The following USP33 variants were observed in gnomAD, a reference collection of about 807,000 sequenced individuals.
USP33 encodes ubiquitin carboxyl-terminal hydrolase 33.
USP33 carries 46 observed loss-of-function variants against 124.2 expected under a neutral mutation model. The ratio of observed to expected loss-of-function variants is 0.37; its 90% CI spans 0.29 to 0.47. The LOEUF is 0.47. USP33 is among the 20% of genes least tolerant of loss of function. USP33 has a pLI of 0.99. For missense variants in USP33, 851 were observed against 1,070.6 expected, an observed-to-expected ratio of 0.79 and a Z score of 2.86; for synonymous variants, 350 against 352.3, an observed-to-expected ratio of 0.99 and a Z score of 0.07.
At chr1:77,733,805 G>T (rs80314587) in intron 7 of USP33, among the ~76,000 whole-genome samples, 2 of 152,048 alleles carry the variant, frequency 1.3e-5, no homozygotes. Flanking sequence ...GTAGACATAC[G>T]TTCAATCTCC....
intron 1 of USP33, among the ~76,000 whole-genome samples, chr1:77,743,091 C>T (rs552783561): frequency 1.4e-4 from 21 of 151,992 alleles, no homozygotes; most frequent in South Asian, 6.2e-4. Flanking sequence ...TACAGGCATG[C>T]GCCACCACAC....
At chr1:77,756,205 G>A (rs531437167) in intron 1 of USP33, among the ~76,000 whole-genome samples, 3 of 152,170 alleles carry the variant, frequency 2.0e-5, no homozygotes, top group African/African-American at 7.2e-5. Flanking sequence ...AGCCTCCCAA[G>A]TGACTGAGAC....
At chr1:77,713,420 C>CA in intron 19 of USP33, 139 bp from the exon 20 acceptor site, 1 of 707,406 alleles carries the variant, frequency 1.4e-6, no homozygotes. Context: ...CTTGTTCTGT[C>CA]ACCCAGTCCA....
rs1481223789 is a variant in USP33, at chr1:77,697,917, T to C, written c.2524A>G (p.Ile842Val). 1.9e-6 allele frequency: 3 copies of C among 1,609,198 alleles called. No homozygotes were observed. Among genetic ancestry groups the C allele is most frequent in the South Asian group, 1.1e-5 (1 of 89,398 alleles). Residue 842 changes from isoleucine (I) to valine (V), a missense_variant, in exon 23 of 24, where the codon ATT becomes GTT. By Grantham distance (29) the Ile-to-Val change is conservative. This residue lies in a region of USP33 where 142 missense variants were observed against 141.8 expected (regional missense o/e 1.00). Transcript: ENST00000370794. ...KGKDGDPPGP[I>V]DNTKIAVTKC... ...GTGACTGCAATCTTAGTATTGTCAA[T>C]AGGACCTGGAGGATCTAAAGGAAAA...
At chr1:77,701,519 A>G in intron 21 of USP33, 48 bp from the exon 22 acceptor site, 1 of 1,444,472 alleles carries the variant, frequency 6.9e-7, no homozygotes, top group South Asian at 1.2e-5. Flanking sequence ...AACTTGCTTT[A>G]TGGCAAAACA....
intron 4 of USP33, among the ~76,000 whole-genome samples, chr1:77,739,950 T>C (rs1340430109): frequency 6.6e-6 from 1 of 152,190 alleles, no homozygotes. Context: ...GCAAATACCA[T>C]CTTAGATGCA....
chr1:77,722,094 T>C lies in USP33; in HGVS notation c.1492A>G (p.Lys498Glu). The C allele has an allele frequency of 6.2e-7, 1 of 1,614,138 alleles. No individual in the cohort carries two copies. Among genetic ancestry groups the C allele is most frequent in the South Asian group, 1.1e-5 (1 of 91,084 alleles). Residue 498 changes from lysine to glutamate, a missense_variant, in exon 13 of 24, where the codon AAA (lysine) becomes GAA (glutamate). Lys to Glu is a moderately conservative substitution (Grantham distance 56). This residue lies in a region of USP33 where 281 missense variants were observed against 425.0 expected (regional missense o/e 0.66). Coordinates refer to ENST00000370794, the MANE Select transcript of USP33 (RefSeq NM_201624.3). ...TATGCTTCGCCACATGATCCTGCTT[T>C]GACTATAGAAGTTGGATGACTTGAT... ...HSSSHPTSIV[K>E]AGSCGEAYAP...
intron 22 of USP33, among the ~76,000 whole-genome samples, chr1:77,700,591 G>A (rs1333453749): frequency 6.6e-6 from 1 of 152,002 alleles, no homozygotes; most frequent in Non-Finnish European, 1.5e-5. Flanking sequence ...CTGGGCAACA[G>A]GGTTAAGACC....
At chr1:77,709,748 T>C (rs1404475989) in intron 21 of USP33, among the ~76,000 whole-genome samples, 2 of 151,612 alleles carry the variant, frequency 1.3e-5, no homozygotes, top group African/African-American at 4.8e-5. Flanking sequence ...TATATAGATA[T>C]AGATATCTAT....
chr1:77,720,265 T>G (rs1214072772), intron 15 of USP33: 1 of 967,924 alleles, frequency 1.0e-6, no homozygotes, highest in African/African-American at 1.8e-5. Context: ...AATATACATT[T>G]GACAGATCTC....
In USP33 at chr1:77,718,654, A is replaced by C. The variant is rs778217780; in HGVS notation, c.1692-13T>G. On this transcript the variant is annotated splice_polypyrimidine_tract_variant and intron_variant, in intron 15 of 23. Transcript: ENST00000370794. ...TCCATTTCTCAACCTAAGGGGAGAA[A>C]AGAGAAAATCAATTAGTCTACAAAA... 6.3e-7 allele frequency: 1 copy of C among 1,594,990 alleles called. No individual in the cohort carries two copies. Among genetic ancestry groups the C allele is most frequent in the Non-Finnish European group, 8.5e-7 (1 of 1,169,664 alleles).
At chr1:77,705,667 TA>T (rs113310451) in intron 21 of USP33, among the ~76,000 whole-genome samples, 5,096 of 142,870 alleles carry the variant, frequency 0.036, 79 homozygotes, top group Middle Eastern at 0.085. Context: ...AGATTTGCTT[TA>T]AAAAAAAAAA....
intron 21 of USP33, among the ~76,000 whole-genome samples, chr1:77,703,180 T>C (rs1674238567): frequency 6.6e-6 from 1 of 152,218 alleles, no homozygotes; most frequent in Admixed American, 6.5e-5. Context: ...CACTTTGTTA[T>C]TGCCAGAACC....
intron 12 of USP33, chr1:77,722,452 C>T (rs1000385685): frequency 4.8e-5 from 14 of 292,724 alleles, no homozygotes; most frequent in Middle Eastern, 2.2e-3. Context: ...ATCCCCATTA[C>T]AATCACAGAC....
At position 77,730,618 on chromosome 1, in the gene USP33, C is replaced by T. The variant is rs772743892; in HGVS notation, c.638G>A (p.Arg213Lys). 4.5e-6 allele frequency: 7 copies of T among 1,542,110 alleles called. No homozygotes were observed. The highest frequency in any genetic ancestry group is 1.9e-5 in the Admixed American group (1 of 51,848). The stretch of plus-strand genomic sequence containing the variant: ...AAGAAGAGTATATTAAGTTACATAC[C>T]TGCTTTTATGCCACAGCTCTGTCAT... ...KLMTELWHKS[R>K]PGSVVPTTLF... Residue 213 changes from arginine to lysine, a missense_variant and splice_region_variant, in exon 8 of 24, where the codon AGG (arginine) becomes AAG (lysine). By Grantham distance (26) the Arg-to-Lys change is conservative. Transcript: ENST00000370794.
chr1:77,730,035 A>C, intron 8 of USP33, 97 bp from the exon 9 acceptor site: 1 of 1,162,446 alleles, frequency 8.6e-7, no homozygotes, highest in South Asian at 1.5e-5. Flanking sequence ...AATAAATTGA[A>C]AAGTATGTTT....
intron 21 of USP33, among the ~76,000 whole-genome samples, chr1:77,710,671 A>G (rs1282155000): frequency 6.6e-6 from 1 of 152,230 alleles, no homozygotes; most frequent in Non-Finnish European, 1.5e-5. Flanking sequence ...ACACATGTGC[A>G]GGAAATGAAT....
At position 77,736,051 on chromosome 1, in the gene USP33, T is replaced by C. The variant is rs1177774572; in HGVS notation, c.454+5A>G. 1 of 1,599,912 alleles carries C rather than the reference T, an allele frequency of 6.3e-7. No individual in the cohort carries two copies. The highest frequency in any genetic ancestry group is 8.5e-7 in the Non-Finnish European group (1 of 1,170,178). ...ACAAAGAAGCGTTACACAGGATTAA[T>C]TTACCTCTGGCCCTAAGTTCATCTT... On this transcript the variant is annotated splice_donor_5th_base_variant and intron_variant, in intron 6 of 23. Transcript: ENST00000370794.
rs559321747 is a variant in USP33, at chr1:77,725,857, A to G, written c.1136-95T>C. ...GGTTTCTTAATTTGATATTTTGAAC[A>G]CAATCATATTAACAAATGTCAAGTT... On this transcript the variant is annotated intron_variant, in intron 10 of 23. Transcript: ENST00000370794. 6.6e-5 allele frequency: 76 copies of G among 1,154,504 alleles called. 1 individual carries two copies. The African/African-American group carries it at 1.2e-3, about 18-fold the overall frequency. The allele number at this position is 1,154,504 out of a possible 1,614,324, so 71.5% of individuals were successfully genotyped here.
Sources: gnomAD v4.1 joint callset for allele counts (sites outside exome capture counted in the v4.1 genomes callset) on GRCh38, gnomAD v4.1.1 for gene constraint, gnomAD v4.1.1 regional missense constraint, MANE v1.5 for transcripts, NCBI Gene and HGNC (gene_info 2026-07-23, HGNC 2026-07-21) for gene names.